Variants in SPEG observed in about 807,000 individuals in gnomAD.
SPEG encodes the protein striated muscle enriched protein kinase, also known as striated muscle preferentially expressed protein kinase.
In SPEG, 114 loss-of-function variants were observed where a neutral mutation model predicts 300.4. That is an observed-to-expected ratio of 0.38 (90% CI 0.33 to 0.44). The LOEUF (loss-of-function observed/expected upper bound fraction) is 0.44. Among genes scored for constraint, SPEG ranks in the 20% least tolerant of loss-of-function variants. The probability of loss-of-function intolerance (pLI) is 1.00; values close to 1 mark genes in which losing one functional copy is unlikely to be tolerated. For synonymous variants in SPEG, 1,964 were observed against 2,018.9 expected (o/e 0.97, Z 0.73); for missense variants, 4,201 against 4,586.2 (o/e 0.92, Z 2.43).
In SPEG at chr2:219,471,675, C is replaced by T. The variant is rs986838155; in HGVS notation, c.3716-193C>T. The T allele has an allele frequency of 4.6e-6, 3 of 646,000 alleles. No individual in the cohort carries two copies. The African/African-American group carries it at 5.5e-5, about 12-fold the overall frequency. 40.0% of individuals were successfully genotyped at this position (646,000 alleles called of 1,614,324 possible). On this transcript the variant is annotated intron_variant, in intron 13 of 40. Transcript: ENST00000312358. ...GGCAGATGTAGACTTGGAAGCCAGC[C>T]CGGGCCCAGACCCAGACTTTGCTGC...
rs909489148 is a variant in SPEG, at chr2:219,493,273, T to A, written c.*487T>A. 17 of 357,488 alleles carry A rather than the reference T, an allele frequency of 4.8e-5. No homozygotes were observed. Among genetic ancestry groups the A allele is most frequent in the Non-Finnish European group, 7.7e-5 (14 of 181,694 alleles). 22.1% of individuals were successfully genotyped at this position (357,488 alleles called of 1,614,324 possible). On this transcript the variant is annotated 3_prime_UTR_variant, in exon 41 of 41. Coordinates refer to ENST00000312358, the MANE Select transcript of SPEG (RefSeq NM_005876.5). ...GTGGCAGGGGCCCAGGGCTGGGACA[T>A]GAGAGAAGGCAGCGAGGCGGCAGAG...
In SPEG at chr2:219,493,087, A is replaced by G; in HGVS notation, c.*301A>G. On this transcript the variant is annotated 3_prime_UTR_variant, in exon 41 of 41. Transcript: ENST00000312358. ...GAGGAAAAGGAATCGAGGGACAGGA[A>G]GGGGGAGGCTCTAGGAAGGTTCTGG... is the stretch of plus-strand genomic sequence containing the variant. 1.6e-6 allele frequency: 1 copy of G among 635,306 alleles called. No homozygotes were observed. Among genetic ancestry groups the G allele is most frequent in the South Asian group, 1.5e-5 (1 of 65,410 alleles). The allele number at this position is 635,306 out of a possible 1,614,324, so 39.4% of individuals were successfully genotyped here.
intron 6 of SPEG, among the ~76,000 whole-genome samples, chr2:219,452,146 G>A (rs889563820): frequency 3.3e-5 from 5 of 152,152 alleles, no homozygotes; most frequent in African/African-American, 1.2e-4. Context: ...TTGAGTTTCC[G>A]AGAAGAAGAA....
At chr2:219,465,934 CGTGCACGTGTGCGTGCATGT>C (rs1486532838) in intron 9 of SPEG, 4 of 625,974 alleles carry the variant, frequency 6.4e-6, no homozygotes, top group Non-Finnish European at 1.0e-5. Context: ...CGCGCGTGTG[CGTGCACGTGTGCGTGCATGT>C]GTGCGTGTGC....
chr2:219,492,691 C>A lies in SPEG; in HGVS notation c.9709C>A (p.Arg3237=). ...CCAGACGCTCACCTTCACCACCAAC[C>A]GGCTCAAGGAGTTCCTGGGCGAGCA... The part of the protein sequence containing the change: ...RRQTLTFTTN[R]LKEFLGEQRR... The change falls in exon 41 of 41, where the codon CGG becomes AGG. Residue 3237 remains arginine, a synonymous_variant. Transcript: ENST00000312358. 1 of 1,609,598 alleles carries A rather than the reference C, an allele frequency of 6.2e-7. No homozygotes were observed. Among genetic ancestry groups the A allele is most frequent in the Non-Finnish European group, 8.5e-7 (1 of 1,179,938 alleles).
At chr2:219,457,026 G>T (rs1690244925) in intron 6 of SPEG, among the ~76,000 whole-genome samples, 1 of 152,102 alleles carries the variant, frequency 6.6e-6, no homozygotes, top group African/African-American at 2.4e-5. Context: ...TGTACATTTT[G>T]AACTAAGCCT....
At chr2:219,460,292 C>T (rs1202665362) in intron 6 of SPEG, 3 of 985,186 alleles carry the variant, frequency 3.0e-6, no homozygotes, top group Non-Finnish European at 3.6e-6. Flanking sequence ...CTTGACAGTT[C>T]TCCGATTTTC....
At chr2:219,466,585 G>A in intron 9 of SPEG, 2 of 1,016,644 alleles carry the variant, frequency 2.0e-6, no homozygotes, top group Non-Finnish European at 2.4e-6. Flanking sequence ...TTCTAGAAAT[G>A]GGTTTCGAAT....
chr2:219,453,742 G>A (rs1051792014), intron 6 of SPEG, among the ~76,000 whole-genome samples: 2 of 152,256 alleles, frequency 1.3e-5, no homozygotes, highest in South Asian at 4.1e-4. Flanking sequence ...TGGGGGGCAG[G>A]CATGTGGGTC....
Position 219,472,007 on chromosome 2 carries a change from G to A in SPEG, c.3835+20G>A. ...TCACAGGTGAGGCAGGCACCCTCGTGGTCAGCTGCACGCACAGCCTGGCCT... is the reference window on the plus strand; with the variant it reads ...TCACAGGTGAGGCAGGCACCCTCGTAGTCAGCTGCACGCACAGCCTGGCCT... On this transcript the variant is annotated intron_variant, in intron 14 of 40. Transcript: ENST00000312358. The A allele has an allele frequency of 3.7e-6, 6 of 1,608,490 alleles. No homozygotes were observed. The highest frequency in any genetic ancestry group is 5.1e-6 in the Non-Finnish European group (6 of 1,179,808).
In SPEG at chr2:219,489,793, C is replaced by G. The variant is rs1449975843; in HGVS notation, c.8775C>G (p.Thr2925=). The change falls in exon 36 of 41, where the codon ACC becomes ACG. Residue 2925 remains threonine (T), a synonymous_variant. Coordinates refer to ENST00000312358, the MANE Select transcript of SPEG (RefSeq NM_005876.5). ...PPAPEPPPEP[T]KVTVQSLSPA... ...CCCCTGAGCCCCCTCCTGAGCCTACCAAGGTGACTGTGCAGAGCCTCAGCC... is the reference window on the plus strand; with the variant it reads ...CCCCTGAGCCCCCTCCTGAGCCTACGAAGGTGACTGTGCAGAGCCTCAGCC... The G allele has an allele frequency of 6.2e-7, 1 of 1,613,718 alleles. No individual in the cohort carries two copies. The highest frequency in any genetic ancestry group is 1.1e-5 in the South Asian group (1 of 91,082).
At chr2:219,441,612 C>T (rs1216999862) in intron 1 of SPEG, 1 of 470,000 alleles carries the variant, frequency 2.1e-6, no homozygotes, top group Non-Finnish European at 4.4e-6. Context: ...TGGGAGGAGG[C>T]TGCGCTGGGC....
At position 219,446,025 on chromosome 2, in the gene SPEG, C is replaced by T. The variant is rs570945676; in HGVS notation, c.815+864C>T. On this transcript the variant is annotated intron_variant, in intron 3 of 40. Coordinates refer to ENST00000312358, the MANE Select transcript of SPEG (RefSeq NM_005876.5). The stretch of plus-strand genomic sequence containing the variant: ...TAGAGGGACTAGGGCATTTGGGGAG[C>T]TGAGGGGGGCCTGGTTTGTGATGGG... 2.1e-5 allele frequency among the ~76,000 whole-genome samples: 3 copies of T among 145,530 alleles called. No individual in the cohort carries two copies. In the South Asian group the frequency reaches 6.6e-4, roughly 32 times the overall value.
chr2:219,488,402 C>T (rs1693639628), intron 32 of SPEG, 92 bp downstream of exon 32: 8 of 1,500,090 alleles, frequency 5.3e-6, no homozygotes, highest in Non-Finnish European at 7.2e-6. Context: ...GGGGACTGAG[C>T]ACGGTTAGGG....
At position 219,455,233 on chromosome 2, in the gene SPEG, A is replaced by G. The variant is rs142902121; in HGVS notation, c.2440+3426A>G. ...TGAGGTAGGTTCTATTATTATGCCT[A>G]TGTTACGAATGAGGAAACTGAGACT... On this transcript the variant is annotated intron_variant, in intron 6 of 40. Transcript: ENST00000312358. 2.3e-3 allele frequency among the ~76,000 whole-genome samples: 356 copies of G among 152,316 alleles called. 1 individual carries two copies. Among genetic ancestry groups the G allele is most frequent in the Non-Finnish European group, 4.1e-3 (280 of 68,022 alleles).
rs935792160 is a variant in SPEG at position 219,480,630 on chromosome 2, G to A, written c.5343-41G>A. 6.2e-7 allele frequency: 1 copy of A among 1,611,828 alleles called. No homozygotes were observed. Among genetic ancestry groups the A allele is most frequent in the Non-Finnish European group, 8.5e-7 (1 of 1,177,952 alleles). ...AAAGAACTGCTCCCTTCCAGTCAGA[G>A]AGGGGCGGTCCTCTTACCTATCACT... On this transcript the variant is annotated intron_variant, in intron 25 of 40. Coordinates refer to ENST00000312358, the MANE Select transcript of SPEG (RefSeq NM_005876.5). This position sits in a 1 kb window ranked among gnomAD's most constrained non-coding sequence, Gnocchi z 5.3.
intron 31 of SPEG, among the ~76,000 whole-genome samples, chr2:219,487,840 G>C (rs1455006401): frequency 6.6e-6 from 1 of 152,176 alleles, no homozygotes; most frequent in African/African-American, 2.4e-5. Context: ...AACCATTATA[G>C]TTTTTCAGTA....
chr2:219,444,768 C>T lies in SPEG; in HGVS notation c.478+26C>T. The T allele has an allele frequency of 6.2e-7, 1 of 1,612,882 alleles. No homozygotes were observed. The highest frequency in any genetic ancestry group is 8.5e-7 in the Non-Finnish European group (1 of 1,179,282). ...GTGAGCTCCTGGGGTGTACAAAGAG[C>T]AGGCAGGCGGGTTTTCCATAAGGGG... On this transcript the variant is annotated intron_variant, in intron 2 of 40. Transcript: ENST00000312358. The surrounding 1 kb of genome is among the most constrained non-coding windows in gnomAD (Gnocchi z 7.8).
intron 9 of SPEG, chr2:219,466,964 C>T (rs921992149): frequency 9.5e-7 from 1 of 1,049,780 alleles, no homozygotes; most frequent in Non-Finnish European, 1.3e-6. Flanking sequence ...ATGAATCACC[C>T]TCCCTGGCCC....
Sources: gnomAD v4.1 joint callset for allele counts (sites outside exome capture counted in the v4.1 genomes callset) on GRCh38, gnomAD v4.1.1 for gene constraint, Gnocchi (gnomAD v3.1) non-coding constraint, MANE v1.5 for transcripts, NCBI Gene and HGNC (gene_info 2026-07-23, HGNC 2026-07-21) for gene names.